AOPEP: variants seen among roughly 807,000 people sequenced by gnomAD.
AOPEP encodes the protein aminopeptidase O.
Under a neutral mutation model 98.1 loss-of-function variants are expected in AOPEP, and 77 were observed. The observed-to-expected ratio is 0.78, with a 90% CI of 0.65 to 0.95. The LOEUF is 0.95. Ranked by LOEUF, AOPEP falls within the 40% of genes least tolerant of loss-of-function variation. AOPEP has a pLI of 0.00. For missense variants in AOPEP, 1,024 were observed against 1,024.7 expected (o/e 1.00, Z 0.01); for synonymous variants, 346 against 365.3 (o/e 0.95, Z 0.60).
At chr9:95,041,479 G>GTGTGTGTC (rs769423297) in intron 13 of AOPEP, among the ~76,000 whole-genome samples, 157 of 151,756 alleles carry the variant, frequency 1.0e-3, no homozygotes, top group Non-Finnish European at 1.8e-3. Flanking sequence ...GTGTGTGTGT[G>GTGTGTGTC]TGGAGAGGGA....
chr9:94,856,357 G>GA (rs2044207887), intron 5 of AOPEP, among the ~76,000 whole-genome samples: 1 of 152,124 alleles, frequency 6.6e-6, no homozygotes, highest in Admixed American at 6.6e-5. Context: ...AGAGGCAGCA[G>GA]AAGGCCGGGT....
chr9:95,079,930 T>G (rs2134210303), intron 14 of AOPEP, among the ~76,000 whole-genome samples: 1 of 152,288 alleles, frequency 6.6e-6, no homozygotes. Flanking sequence ...TTTGCCTCTT[T>G]CGGGGAATTA....
At chr9:95,135,214 A>T in the AOPEP span, 1 of 896,892 alleles carries the variant, frequency 1.1e-6, no homozygotes, top group South Asian at 1.4e-5. Context: ...AATAAAATGT[A>T]AATACACGAT....
At chr9:95,062,268 G>T (rs1277846929) in intron 14 of AOPEP, among the ~76,000 whole-genome samples, 2 of 152,230 alleles carry the variant, frequency 1.3e-5, no homozygotes, top group African/African-American at 4.8e-5. Context: ...CTAGTACAGC[G>T]CAGGGGTGCT....
At chr9:95,016,635 T>C (rs575446998) in intron 13 of AOPEP, among the ~76,000 whole-genome samples, 4 of 152,130 alleles carry the variant, frequency 2.6e-5, no homozygotes, top group Admixed American at 2.6e-4. Flanking sequence ...TTTATTGAGA[T>C]GGGGTCTCAT....
At chr9:94,991,386 A>G (rs993050618) in intron 11 of AOPEP, among the ~76,000 whole-genome samples, 8 of 152,254 alleles carry the variant, frequency 5.3e-5, no homozygotes, top group African/African-American at 1.9e-4. Flanking sequence ...CTGTAGAATC[A>G]CAGGCTACAG....
chr9:94,863,213 T>G (rs937388835), intron 5 of AOPEP, among the ~76,000 whole-genome samples: 1 of 151,458 alleles, frequency 6.6e-6, no homozygotes, highest in Non-Finnish European at 1.5e-5. Context: ...TTTCTTTCTC[T>G]CCTCTCCCCT....
chr9:94,960,392 G>A (rs2058736008), intron 9 of AOPEP, among the ~76,000 whole-genome samples: 1 of 146,666 alleles, frequency 6.8e-6, no homozygotes, highest in African/African-American at 2.5e-5. Context: ...GCCTGGGACA[G>A]AACGAGACTC....
chr9:94,949,047 C>T (rs544575308), intron 7 of AOPEP, among the ~76,000 whole-genome samples: 1 of 152,366 alleles, frequency 6.6e-6, no homozygotes, highest in East Asian at 1.9e-4. Flanking sequence ...TGTGCAGTCA[C>T]ATGGGTGTCT....
At chr9:94,991,455 G>A (rs2060888062) in intron 11 of AOPEP, among the ~76,000 whole-genome samples, 1 of 152,220 alleles carries the variant, frequency 6.6e-6, no homozygotes, top group South Asian at 2.1e-4. Flanking sequence ...CCCAGGAGAA[G>A]TGTAGTATCT....
chr9:95,027,304 T>C (rs997672885), intron 13 of AOPEP, among the ~76,000 whole-genome samples: 14 of 152,118 alleles, frequency 9.2e-5, no homozygotes, highest in African/African-American at 1.9e-4. Flanking sequence ...ATAAAATAAA[T>C]AAACTTGTAG....
chr9:95,097,937 G>A, the AOPEP span, among the ~76,000 whole-genome samples: 4 of 152,074 alleles, frequency 2.6e-5, no homozygotes, highest in Non-Finnish European at 4.4e-5. Flanking sequence ...CAAAATCTAC[G>A]GATTTCCCAA....
intron 14 of AOPEP, among the ~76,000 whole-genome samples, chr9:95,067,189 G>T (rs532309290): frequency 6.6e-6 from 1 of 152,212 alleles, no homozygotes; most frequent in South Asian, 2.1e-4. Context: ...ACTTCAGGCT[G>T]TGAGAACCTC....
At chr9:95,049,765 C>T (rs2066177895) in intron 13 of AOPEP, among the ~76,000 whole-genome samples, 1 of 152,186 alleles carries the variant, frequency 6.6e-6, no homozygotes, top group South Asian at 2.1e-4. Context: ...CTAGAAAGCA[C>T]ATCTTAGGTT....
Position 94,771,482 on chromosome 9 carries a change from C to T in AOPEP, c.798-1520C>T, listed in dbSNP as rs62578963. On this transcript the variant is annotated intron_variant, in intron 2 of 16. Coordinates refer to ENST00000375315, the MANE Select transcript of AOPEP (RefSeq NM_001193329.3). ...ATGGCATGTATACTTGTAGGATAAG[C>T]GTACAGCAACTGCCTGTTTGCGCTG... Among the ~76,000 whole-genome samples the T allele has an allele frequency of 1.2e-3, 185 of 152,116 alleles. No individual in the cohort carries two copies. The Middle Eastern group carries it at 0.014, about 11-fold the overall frequency.
At chr9:95,073,775 C>G (rs1042407751) in intron 14 of AOPEP, among the ~76,000 whole-genome samples, 3 of 152,178 alleles carry the variant, frequency 2.0e-5, no homozygotes, top group African/African-American at 7.2e-5. Context: ...AGGAGAATCG[C>G]TTGAACCTGG....
chr9:95,117,612 A>G, the AOPEP span, among the ~76,000 whole-genome samples: 1 of 77,088 alleles, frequency 1.3e-5, no homozygotes, highest in Admixed American at 1.3e-4. Flanking sequence ...TTAAAAATTT[A>G]TGCTCTTGAT....
chr9:94,854,266 A>G (rs550532505), intron 5 of AOPEP, among the ~76,000 whole-genome samples: 12 of 152,154 alleles, frequency 7.9e-5, no homozygotes, highest in African/African-American at 1.2e-4. Context: ...AAATGTGACA[A>G]TTTCTTATAA....
At chr9:95,019,411 C>T (rs564733177) in intron 13 of AOPEP, 10 of 152,260 alleles carry the variant, frequency 6.6e-5, no homozygotes, top group East Asian at 3.9e-4. Flanking sequence ...ATTTTTTATA[C>T]GCAGTAAGTC....
Sources: allele counts gnomAD v4.1 joint callset (sites outside exome capture counted in the v4.1 genomes callset), GRCh38; gene constraint gnomAD v4.1.1; transcripts MANE v1.5; gene names NCBI Gene and HGNC (gene_info 2026-07-23, HGNC 2026-07-21).